The following ATP6V0E1 variants were observed in gnomAD, a reference collection of about 807,000 sequenced individuals.
ATP6V0E1 encodes V-type proton ATPase subunit e 1.
Under a neutral mutation model 11.6 loss-of-function variants are expected in ATP6V0E1, and 4 were observed. The observed-to-expected ratio is 0.35, with a 90% CI of 0.17 to 0.79. The LOEUF (loss-of-function observed/expected upper bound fraction) is 0.79. Among genes scored for constraint, ATP6V0E1 ranks in the 30% least tolerant of loss-of-function variants. The pLI is 0.54. For synonymous variants in ATP6V0E1, 36 were observed against 34.8 expected (o/e 1.04, Z -0.13); for missense variants, 105 against 100.0 (o/e 1.05, Z -0.21).
In ATP6V0E1 at chr5:173,027,323, T is replaced by TAA. The variant is rs747815879; in HGVS notation, c.*36+6975_*36+6976dup. Among the ~76,000 whole-genome samples the TAA allele has an allele frequency of 1.6e-3, 168 of 104,320 alleles. No homozygotes were observed. In the Middle Eastern group the frequency reaches 0.029, roughly 18 times the overall value. 68.4% of individuals were successfully genotyped at this position (104,320 alleles called of 152,430 possible). A position where few individuals can be genotyped will look rare whatever the true frequency, so the allele number is the denominator to read the frequency against. On this transcript the variant is annotated intron_variant, in intron 3 of 3. Transcript: ENST00000519374. ...TAACACGGTGAAACCCTGTCTCTACTAAAAAAAAAAAAAAAAAAAATACAA... is the reference window on the plus strand; with the variant it reads ...TAACACGGTGAAACCCTGTCTCTACTAAAAAAAAAAAAAAAAAAAAAATACAA...
At chr5:173,025,089 C>T (rs1381594964) in intron 3 of ATP6V0E1, among the ~76,000 whole-genome samples, 3 of 148,932 alleles carry the variant, frequency 2.0e-5, no homozygotes, top group Non-Finnish European at 3.0e-5. Flanking sequence ...GATCCACCCA[C>T]CTCAGCCTCC....
intron 2 of ATP6V0E1, among the ~76,000 whole-genome samples, chr5:173,004,610 G>T (rs1345113807): frequency 6.6e-6 from 1 of 152,184 alleles, no homozygotes; most frequent in Non-Finnish European, 1.5e-5. Context: ...GGAGCAGTCT[G>T]GGGATGGGGT....
chr5:173,002,381 T>C (rs1475387944), intron 2 of ATP6V0E1, among the ~76,000 whole-genome samples: 1 of 152,258 alleles, frequency 6.6e-6, no homozygotes, highest in Non-Finnish European at 1.5e-5. Context: ...TATAGGCTTC[T>C]TCTCCATATC....
intron 2 of ATP6V0E1, among the ~76,000 whole-genome samples, chr5:173,002,180 A>G (rs1397421087): frequency 6.6e-6 from 1 of 152,202 alleles, no homozygotes; most frequent in East Asian, 1.9e-4. Context: ...AAACATTTCA[A>G]TATGTGTCTC....
intron 3 of ATP6V0E1, chr5:173,020,920 G>A (rs749971740): frequency 3.5e-5 from 18 of 519,878 alleles, no homozygotes; most frequent in South Asian, 2.5e-4. Flanking sequence ...TAGTCTGGGA[G>A]CAGACAGAGA....
intron 1 of ATP6V0E1, among the ~76,000 whole-genome samples, chr5:172,988,546 A>G (rs1755931925): frequency 6.6e-6 from 1 of 152,230 alleles, no homozygotes; most frequent in Admixed American, 6.5e-5. Context: ...CCTCTTTTTA[A>G]AATGGAAATA....
chr5:173,031,735 C>T (rs989258163), intron 3 of ATP6V0E1, among the ~76,000 whole-genome samples: 2 of 149,226 alleles, frequency 1.3e-5, no homozygotes, highest in African/African-American at 2.5e-5. Flanking sequence ...AGGAGAATAG[C>T]GTGAACCTGG....
intron 2 of ATP6V0E1, among the ~76,000 whole-genome samples, chr5:173,005,797 T>C (rs1011319356): frequency 6.6e-6 from 1 of 152,240 alleles, no homozygotes; most frequent in Non-Finnish European, 1.5e-5. Context: ...TGATAAAGTG[T>C]ATTTTCATTT....
intron 1 of ATP6V0E1, among the ~76,000 whole-genome samples, chr5:172,991,247 A>G (rs1421816011): frequency 1.3e-5 from 2 of 152,172 alleles, no homozygotes; most frequent in African/African-American, 2.4e-5. Flanking sequence ...GTGTGTGTAT[A>G]TATAATTTTG....
intron 2 of ATP6V0E1, among the ~76,000 whole-genome samples, chr5:173,014,672 GAT>G (rs776953065): frequency 9.2e-5 from 14 of 152,168 alleles, no homozygotes; most frequent in Non-Finnish European, 2.1e-4. Flanking sequence ...TAAAAAATTT[GAT>G]GTCAAAGACA....
At chr5:172,996,631 T>G (rs1288202759) in intron 2 of ATP6V0E1, among the ~76,000 whole-genome samples, 2 of 151,908 alleles carry the variant, frequency 1.3e-5, no homozygotes, top group Non-Finnish European at 2.9e-5. Flanking sequence ...GGGCTATGAT[T>G]AGGAATCTGA....
chr5:172,991,340 C>T (rs17718381), intron 1 of ATP6V0E1, among the ~76,000 whole-genome samples: 6,296 of 152,218 alleles, frequency 0.041, 191 homozygotes, highest in South Asian at 0.11. Flanking sequence ...ATATTAGGAG[C>T]TGATACGTTA....
chr5:173,027,178 C>CA (rs1158447516), intron 3 of ATP6V0E1, among the ~76,000 whole-genome samples: 3,330 of 26,010 alleles, frequency 0.13, 572 homozygotes, highest in Non-Finnish European at 0.13. Flanking sequence ...GACTCCGTCT[C>CA]AAAAAAAAAA....
At chr5:172,984,329 A>G (rs1212796661) in intron 1 of ATP6V0E1, among the ~76,000 whole-genome samples, 5 of 152,186 alleles carry the variant, frequency 3.3e-5, no homozygotes, top group African/African-American at 1.2e-4. Flanking sequence ...TTCCACCCAC[A>G]TGAGGCCTCG....
chr5:173,015,329 C>T (rs540730147), intron 2 of ATP6V0E1, among the ~76,000 whole-genome samples: 1 of 152,348 alleles, frequency 6.6e-6, no homozygotes, highest in Non-Finnish European at 1.5e-5. Context: ...GTTCCCATTT[C>T]CTGGTATACA....
At chr5:172,997,488 A>G (rs1380628285) in intron 2 of ATP6V0E1, among the ~76,000 whole-genome samples, 1 of 152,120 alleles carries the variant, frequency 6.6e-6, no homozygotes, top group East Asian at 1.9e-4. Context: ...CTCCTAAAAT[A>G]TCATTCCACA....
At chr5:173,021,441 C>T (rs1227339501) in intron 3 of ATP6V0E1, among the ~76,000 whole-genome samples, 4 of 152,070 alleles carry the variant, frequency 2.6e-5, no homozygotes, top group Non-Finnish European at 2.9e-5. Flanking sequence ...AGGGGTCTCC[C>T]CTTATAAAAC....
intron 2 of ATP6V0E1, among the ~76,000 whole-genome samples, chr5:173,002,870 T>C (rs781012052): frequency 1.3e-5 from 2 of 151,864 alleles, no homozygotes; most frequent in South Asian, 2.1e-4. Flanking sequence ...TTTCTGCAAA[T>C]GTAAAGGCAC....
At chr5:173,018,731 TTC>T (rs937409914) in intron 2 of ATP6V0E1, among the ~76,000 whole-genome samples, 2 of 152,170 alleles carry the variant, frequency 1.3e-5, no homozygotes, top group Admixed American at 6.6e-5. Context: ...GCCATTGTAT[TTC>T]TGAGGCCTAG....
Sources: gnomAD v4.1 joint callset for allele counts (sites outside exome capture counted in the v4.1 genomes callset) on GRCh38, gnomAD v4.1.1 for gene constraint, MANE v1.5 for transcripts, NCBI Gene and HGNC (gene_info 2026-07-23, HGNC 2026-07-21) for gene names.